Variants in SPRED2 observed in about 807,000 individuals in gnomAD.
SPRED2 encodes the protein sprouty-related, EVH1 domain-containing protein 2.
SPRED2 carries 47 observed loss-of-function variants against 43.0 expected under a neutral mutation model. The ratio of observed to expected loss-of-function variants is 1.09; its 90% CI spans 0.87 to 1.40. The LOEUF (loss-of-function observed/expected upper bound fraction) is 1.40, where lower values mean the gene tolerates loss of function less well. Among genes scored for constraint, SPRED2 ranks in the 40% most tolerant of loss-of-function variants. SPRED2 has a pLI of 0.00. For synonymous variants in SPRED2, 225 were observed against 225.7 expected (o/e 1.00, Z 0.03); for missense variants, 561 against 586.4 (o/e 0.96, Z 0.45).
intron 1 of SPRED2, among the ~76,000 whole-genome samples, chr2:65,395,206 C>T (rs1306299427): frequency 1.3e-5 from 2 of 152,064 alleles, no homozygotes; most frequent in Non-Finnish European, 2.9e-5. Flanking sequence ...CGGCTCCTGG[C>T]CTCCACACAC....
chr2:65,432,439 CG>C lies in SPRED2; in HGVS notation c.-453del. On this transcript the variant is annotated 5_prime_UTR_variant, in exon 1 of 6. An upstream open reading frame in the 5' UTR loses its in-frame stop. Coordinates refer to ENST00000356388, the MANE Select transcript of SPRED2 (RefSeq NM_181784.3). ...ACGGTTCCGGGGAGCGGTCGGCGGCCGGGGGAGGTGCGCCTGGGAGGCGGTG... is the reference window on the plus strand; with the variant it reads ...ACGGTTCCGGGGAGCGGTCGGCGGCCGGGGAGGTGCGCCTGGGAGGCGGTG... 1 of 161,832 alleles carries C rather than the reference CG, an allele frequency of 6.2e-6. No individual in the cohort carries two copies. Among genetic ancestry groups the C allele is most frequent in the Non-Finnish European group, 1.3e-5 (1 of 74,448 alleles). 10.0% of individuals were successfully genotyped at this position (161,832 alleles called of 1,614,324 possible).
chr2:65,322,292 ATATTTT>A (rs1304368727), intron 4 of SPRED2, among the ~76,000 whole-genome samples: 3 of 70,798 alleles, frequency 4.2e-5, no homozygotes, highest in East Asian at 6.3e-4. Flanking sequence ...ATATATATAT[ATATTTT>A]TTTTTTTTTT....
intron 2 of SPRED2, among the ~76,000 whole-genome samples, chr2:65,342,110 G>T (rs188664489): frequency 7.5e-4 from 112 of 150,174 alleles, no homozygotes; most frequent in Middle Eastern, 7.1e-3. Flanking sequence ...TTAACAAACA[G>T]AAAAACATTT....
At chr2:65,318,276 T>C (rs918010120) in intron 4 of SPRED2, among the ~76,000 whole-genome samples, 1 of 152,120 alleles carries the variant, frequency 6.6e-6, no homozygotes. Context: ...TCTCTTTCTT[T>C]TGAAAATTGC....
Position 65,432,013 on chromosome 2 carries a change from C to T in SPRED2, c.-26G>A. The T allele has an allele frequency of 6.2e-7, 1 of 1,613,820 alleles. No homozygotes were observed. The highest frequency in any genetic ancestry group is 8.5e-7 in the Non-Finnish European group (1 of 1,179,956). ...TTTCTTGTTCACCTAGACGCCTGTC[C>T]CGCGGCGGGCAGCTTTGCTCCCTTC... On this transcript the variant is annotated 5_prime_UTR_variant, in exon 1 of 6. Transcript: ENST00000356388.
At chr2:65,371,836 G>A (rs1392270950) in intron 1 of SPRED2, among the ~76,000 whole-genome samples, 1 of 152,152 alleles carries the variant, frequency 6.6e-6, no homozygotes, top group Non-Finnish European at 1.5e-5. Flanking sequence ...AGCACTTTGG[G>A]AGGCCGGGGC....
At chr2:65,384,237 G>A (rs1465174569) in intron 1 of SPRED2, among the ~76,000 whole-genome samples, 1 of 151,974 alleles carries the variant, frequency 6.6e-6, no homozygotes, top group Admixed American at 6.6e-5. Context: ...CTCCCTCGGT[G>A]GACTGCTGGC....
intron 1 of SPRED2, among the ~76,000 whole-genome samples, chr2:65,425,721 G>A (rs1243104317): frequency 6.6e-6 from 1 of 152,174 alleles, no homozygotes; most frequent in Admixed American, 6.5e-5. Flanking sequence ...AAGTCACTAA[G>A]AGCCCTAGAA....
chr2:65,364,872 T>C (rs1041972806), intron 1 of SPRED2, among the ~76,000 whole-genome samples: 1 of 152,220 alleles, frequency 6.6e-6, no homozygotes, highest in Non-Finnish European at 1.5e-5. Flanking sequence ...ATTTTTCTAA[T>C]GAATTTGATA....
At chr2:65,384,496 T>G (rs941956691) in intron 1 of SPRED2, among the ~76,000 whole-genome samples, 1 of 152,220 alleles carries the variant, frequency 6.6e-6, no homozygotes, top group Non-Finnish European at 1.5e-5. Context: ...AGTTCAAAAC[T>G]TAGTAAGAAT....
chr2:65,402,303 A>AAAC (rs1558685965), intron 1 of SPRED2, among the ~76,000 whole-genome samples: 3 of 135,568 alleles, frequency 2.2e-5, no homozygotes, highest in Admixed American at 8.1e-5. Flanking sequence ...AAAAAAAAAA[A>AAAC]AACCAAAAAC....
chr2:65,413,351 C>T (rs1676204976), intron 1 of SPRED2, among the ~76,000 whole-genome samples: 2 of 152,182 alleles, frequency 1.3e-5, no homozygotes, highest in African/African-American at 4.8e-5. Context: ...CCAGCCAATA[C>T]CCACAGTGCC....
At chr2:65,307,750 GCA>G (rs910569993), downstream of SPRED2, among the ~76,000 whole-genome samples, 18 of 152,308 alleles carry the variant, frequency 1.2e-4, no homozygotes, top group African/African-American at 4.3e-4. Flanking sequence ...GCCCTGATTT[GCA>G]CAGTTACAAC....
intron 4 of SPRED2, among the ~76,000 whole-genome samples, chr2:65,322,292 A>ATTTTTTTTTT (rs1490204181): frequency 5.6e-5 from 4 of 70,830 alleles, no homozygotes; most frequent in African/African-American, 2.9e-4. Context: ...ATATATATAT[A>ATTTTTTTTTT]TATTTTTTTT....
intron 5 of SPRED2, among the ~76,000 whole-genome samples, chr2:65,314,634 T>G (rs886493701): frequency 1.3e-5 from 2 of 152,238 alleles, no homozygotes; most frequent in Non-Finnish European, 2.9e-5. Context: ...TAGTTTTGCC[T>G]ATTTTTGTAT....
At chr2:65,395,607 A>G (rs924260200) in intron 1 of SPRED2, among the ~76,000 whole-genome samples, 3 of 152,106 alleles carry the variant, frequency 2.0e-5, no homozygotes, top group African/African-American at 7.2e-5. Context: ...TATTCGATCC[A>G]CTTCTAAAAA....
chr2:65,419,738 T>C (rs1489728469), intron 1 of SPRED2, among the ~76,000 whole-genome samples: 1 of 152,214 alleles, frequency 6.6e-6, no homozygotes, highest in East Asian at 1.9e-4. Context: ...AAGACAGTAA[T>C]ACATATGCTT....
At chr2:65,403,618 T>C (rs1675956153) in intron 1 of SPRED2, among the ~76,000 whole-genome samples, 2 of 152,056 alleles carry the variant, frequency 1.3e-5, no homozygotes, top group Admixed American at 6.6e-5. Context: ...TAAAGACTAA[T>C]TGAAATCGCA....
intron 1 of SPRED2, among the ~76,000 whole-genome samples, chr2:65,352,563 G>A (rs1674541552): frequency 6.6e-6 from 1 of 152,226 alleles, no homozygotes; most frequent in Non-Finnish European, 1.5e-5. Context: ...AGGTGCTGTA[G>A]CTAATCTTGC....
Sources: allele counts gnomAD v4.1 joint callset (sites outside exome capture counted in the v4.1 genomes callset), GRCh38; gene constraint gnomAD v4.1.1; transcripts MANE v1.5; gene names NCBI Gene and HGNC (gene_info 2026-07-23, HGNC 2026-07-21).